Variants in ADAM22 observed in about 807,000 individuals in gnomAD.
ADAM22 encodes ADAM metallopeptidase domain 22.
In ADAM22, 65 loss-of-function variants were observed where a neutral mutation model predicts 144.6. The ratio of observed to expected loss-of-function variants is 0.45; its 90% CI spans 0.37 to 0.55. The LOEUF is 0.55. Ranked by LOEUF, ADAM22 falls within the 20% of genes least tolerant of loss-of-function variation. ADAM22 has a pLI of 0.00. For synonymous variants in ADAM22, 391 were observed against 412.6 expected, an observed-to-expected ratio of 0.95 and a Z score of 0.63; for missense variants, 974 against 1,184.9, an observed-to-expected ratio of 0.82 and a Z score of 2.61.
At chr7:88,006,816 G>GATGGGCAAAAACTGAATGGGCAAAAAA (rs1793996194) in intron 3 of ADAM22, among the ~76,000 whole-genome samples, 1 of 150,984 alleles carries the variant, frequency 6.6e-6, no homozygotes, top group African/African-American at 2.4e-5. Flanking sequence ...GCAAAAACTG[G>GATGGGCAAAAACTGAATGGGCAAAAAA]AAGTATTCCC....
chr7:88,015,951 T>C (rs1430995879), intron 3 of ADAM22, among the ~76,000 whole-genome samples: 1 of 151,440 alleles, frequency 6.6e-6, no homozygotes, highest in Non-Finnish European at 1.5e-5. Flanking sequence ...TTTTTTTTAA[T>C]TTTTCTTCAT....
intron 3 of ADAM22, among the ~76,000 whole-genome samples, chr7:88,035,783 G>T (rs900263834): frequency 2.6e-5 from 4 of 152,144 alleles, no homozygotes; most frequent in Non-Finnish European, 5.9e-5. Context: ...TTTGGTATCT[G>T]CTCAGGGTCC....
chr7:88,006,579 A>C (rs1026997713), intron 3 of ADAM22, among the ~76,000 whole-genome samples: 3 of 150,524 alleles, frequency 2.0e-5, no homozygotes, highest in African/African-American at 7.3e-5. Flanking sequence ...CATCCCTGGG[A>C]TGCAAGGCTG....
Position 88,038,334 on chromosome 7 carries a change from A to G in ADAM22, c.324-37292A>G, listed in dbSNP as rs535643626. On this transcript the variant is annotated intron_variant, in intron 3 of 31. Transcript: ENST00000413139. ...ATGTTTTGGCTTATGGTTGTCAGAC[A>G]TATTCACTGCCTTATGAACTACAAA... Among the ~76,000 whole-genome samples the G allele has an allele frequency of 8.5e-5, 13 of 152,258 alleles. No individual in the cohort carries two copies. In the East Asian group the frequency reaches 1.9e-3, roughly 23 times the overall value.
intron 27 of ADAM22, among the ~76,000 whole-genome samples, chr7:88,180,230 A>T (rs1015313967): frequency 6.6e-6 from 1 of 152,104 alleles, no homozygotes; most frequent in Non-Finnish European, 1.5e-5. Context: ...ATAATGTTTT[A>T]AAAAATGTAT....
chr7:88,131,039 G>A (rs1381478519), intron 10 of ADAM22, among the ~76,000 whole-genome samples: 1 of 152,074 alleles, frequency 6.6e-6, no homozygotes, highest in Non-Finnish European at 1.5e-5. Flanking sequence ...ATAGGGTGCA[G>A]GTATTTGTCA....
intron 7 of ADAM22, 136 bp downstream of exon 7, chr7:88,116,950 C>T (rs1257422774): frequency 1.7e-5 from 10 of 602,118 alleles, no homozygotes; most frequent in Non-Finnish European, 2.3e-5. Flanking sequence ...AGCCAAGTCA[C>T]GTCAAGAGGG....
At chr7:88,131,585 A>C (rs1204324940) in intron 11 of ADAM22, 150 bp downstream of exon 11, 4 of 638,234 alleles carry the variant, frequency 6.3e-6, no homozygotes, top group Non-Finnish European at 1.1e-5. Flanking sequence ...TCAAGTATAG[A>C]TTGCTTAAAA....
At chr7:88,183,942 A>G (rs1847719516) in intron 29 of ADAM22, among the ~76,000 whole-genome samples, 1 of 151,962 alleles carries the variant, frequency 6.6e-6, no homozygotes, top group African/African-American at 2.4e-5. Context: ...AATACTTTCC[A>G]TATTTAAGTA....
intron 14 of ADAM22, among the ~76,000 whole-genome samples, chr7:88,142,055 A>C (rs571008632): frequency 1.6e-4 from 24 of 152,320 alleles, no homozygotes; most frequent in Admixed American, 6.5e-4. Context: ...TTTAAAAAAA[A>C]CCTCAAACCT....
chr7:88,025,744 G>A lies in ADAM22; in HGVS notation c.323+47332G>A, dbSNP rs187263429. ...GGTCTATTTGTCTGTTTTTATGCCA[G>A]TACCATGCTGTTTTGGTTACTATAG... On this transcript the variant is annotated intron_variant, in intron 3 of 31. Coordinates refer to ENST00000413139, the MANE Select transcript of ADAM22 (RefSeq NM_001324418.2). Among the ~76,000 whole-genome samples, 18 of 152,280 alleles carry A rather than the reference G, an allele frequency of 1.2e-4. No individual in the cohort carries two copies. In the East Asian group the frequency reaches 3.5e-3, roughly 29 times the overall value.
intron 31 of ADAM22, 108 bp downstream of exon 31, chr7:88,193,347 A>G (rs1010516457): frequency 3.0e-6 from 4 of 1,319,886 alleles, no homozygotes; most frequent in Non-Finnish European, 3.0e-6. Context: ...TCCTAAGAAA[A>G]TGAAAAAATC....
intron 3 of ADAM22, among the ~76,000 whole-genome samples, chr7:88,055,629 C>T (rs892663151): frequency 4.6e-5 from 7 of 152,082 alleles, no homozygotes; most frequent in Admixed American, 4.6e-4. Flanking sequence ...ATTAACCGCA[C>T]CTAGTTGAGA....
chr7:88,073,712 A>G (rs967704050), intron 3 of ADAM22, among the ~76,000 whole-genome samples: 3 of 152,236 alleles, frequency 2.0e-5, no homozygotes, highest in Admixed American at 2.0e-4. Context: ...CCTGGGATAC[A>G]TAGTGTTCAT....
chr7:87,934,604 G>C (rs1840723072), intron 1 of ADAM22, 54 bp downstream of exon 1: 1 of 1,525,680 alleles, frequency 6.6e-7, no homozygotes. Flanking sequence ...GGGAATCTTT[G>C]GAGCCCTCAG....
intron 6 of ADAM22, 60 bp from the exon 7 acceptor site, chr7:88,116,685 C>T: frequency 7.1e-7 from 1 of 1,400,566 alleles, no homozygotes; most frequent in South Asian, 1.2e-5. Context: ...GCTATGTTTG[C>T]CTAAGGCTGG....
Position 88,199,340 on chromosome 7 carries a change from A to G in ADAM22, c.*2849A>G, listed in dbSNP as rs1850985109. The G allele has an allele frequency of 6.6e-6, 1 of 152,210 alleles. No individual in the cohort carries two copies. Among genetic ancestry groups the G allele is most frequent in the Non-Finnish European group, 1.5e-5 (1 of 68,050 alleles). 9.4% of individuals were successfully genotyped at this position (152,210 alleles called of 1,614,324 possible). ...CCTCTTCCAGTTTTATGCATTGATA[A>G]GACTACAGATTGGCACCCTGCTGCC... On this transcript the variant is annotated 3_prime_UTR_variant, in exon 32 of 32. Transcript: ENST00000413139.
intron 20 of ADAM22, among the ~76,000 whole-genome samples, chr7:88,152,237 T>A (rs1838620624): frequency 6.6e-6 from 1 of 152,192 alleles, no homozygotes; most frequent in African/African-American, 2.4e-5. Flanking sequence ...GTAGGAAACA[T>A]AACTACCGAC....
At chr7:88,170,658 A>G (rs558311193) in intron 25 of ADAM22, among the ~76,000 whole-genome samples, 1 of 152,078 alleles carries the variant, frequency 6.6e-6, no homozygotes, top group African/African-American at 2.4e-5. Flanking sequence ...TATAATGTGG[A>G]TGAAATAGAC....
Sources: allele counts gnomAD v4.1 joint callset (sites outside exome capture counted in the v4.1 genomes callset), GRCh38; gene constraint gnomAD v4.1.1; transcripts MANE v1.5; gene names NCBI Gene and HGNC (gene_info 2026-07-23, HGNC 2026-07-21).